TMEM132B: variants seen among roughly 807,000 people sequenced by gnomAD.
TMEM132B encodes the protein transmembrane protein 132B.
In TMEM132B, 18 loss-of-function variants were observed where a neutral mutation model predicts 90.8. That is an observed-to-expected ratio of 0.20 (90% CI 0.14 to 0.29). TMEM132B has a LOEUF of 0.29. Ranked by LOEUF, TMEM132B falls within the 10% of genes least tolerant of loss-of-function variation. The probability of loss-of-function intolerance (pLI) is 1.00; values close to 1 mark genes in which losing one functional copy is unlikely to be tolerated. For missense variants in TMEM132B, 1,096 were observed against 1,326.8 expected, an observed-to-expected ratio of 0.83 and a Z score of 2.70; for synonymous variants, 504 against 523.3, an observed-to-expected ratio of 0.96 and a Z score of 0.50.
intron 4 of TMEM132B, among the ~76,000 whole-genome samples, chr12:125,528,235 GCT>G (rs879590925): frequency 6.6e-6 from 1 of 151,996 alleles, no homozygotes; most frequent in Non-Finnish European, 1.5e-5. Flanking sequence ...TGAGCTTAGA[GCT>G]TTATTTCCGT....
At position 125,404,902 on chromosome 12, in the gene TMEM132B, G is replaced by A. The variant is rs75313037; in HGVS notation, c.960-10629G>A. 8.9e-3 allele frequency among the ~76,000 whole-genome samples: 1,349 copies of A among 152,202 alleles called. 24 individuals are homozygous for A. Among genetic ancestry groups the A allele is most frequent in the African/African-American group, 0.029 (1,221 of 41,520 alleles). On this transcript the variant is annotated intron_variant, in intron 2 of 8. Transcript: ENST00000682704. ...TTTTGTCAGTTTATTTTGTTTATAT[G>A]TAAGCCACTGTTTCCCTAGACAGAC...
At chr12:125,618,996 C>A (rs564291870) in intron 5 of TMEM132B, among the ~76,000 whole-genome samples, 18 of 152,248 alleles carry the variant, frequency 1.2e-4, no homozygotes, top group African/African-American at 4.1e-4. Context: ...CAGTGCTGGG[C>A]AGCAAGCATT....
At chr12:125,420,610 C>T (rs1162538775) in intron 3 of TMEM132B, among the ~76,000 whole-genome samples, 1 of 152,130 alleles carries the variant, frequency 6.6e-6, no homozygotes, top group African/African-American at 2.4e-5. Flanking sequence ...TGTGACATGC[C>T]CTGGAGACAT....
At chr12:125,391,153 T>G (rs1879004013) in intron 2 of TMEM132B, among the ~76,000 whole-genome samples, 1 of 151,864 alleles carries the variant, frequency 6.6e-6, no homozygotes, top group African/African-American at 2.4e-5. Flanking sequence ...AAAATGATCA[T>G]GGAGGAGAAT....
chr12:125,209,975 T>A lies in TMEM132B; in HGVS notation c.67+23109T>A. ...ATTCATTCAACAGGTATTAATGCAATGGAGTCTCCTCTGTGTCAGGCAGCA... is the reference window on the plus strand; with the variant it reads ...ATTCATTCAACAGGTATTAATGCAAAGGAGTCTCCTCTGTGTCAGGCAGCA... On this transcript the variant is annotated intron_variant, in intron 1 of 8. Coordinates refer to ENST00000682704, the MANE Select transcript of TMEM132B (RefSeq NM_001366854.1). This position sits in a 1 kb window ranked among gnomAD's most constrained non-coding sequence, Gnocchi z 4.4. Among the ~76,000 whole-genome samples the A allele has an allele frequency of 6.6e-6, 1 of 152,166 alleles. No homozygotes were observed. The highest frequency in any genetic ancestry group is 1.5e-5 in the Non-Finnish European group (1 of 68,022).
At chr12:125,614,827 T>C (rs951803310) in intron 5 of TMEM132B, among the ~76,000 whole-genome samples, 10 of 152,184 alleles carry the variant, frequency 6.6e-5, no homozygotes, top group Non-Finnish European at 1.2e-4. Context: ...TGCTTTCAGT[T>C]TGAAGAACTT....
At chr12:125,536,389 G>A (rs748454738) in intron 4 of TMEM132B, among the ~76,000 whole-genome samples, 23 of 152,170 alleles carry the variant, frequency 1.5e-4, no homozygotes, top group Non-Finnish European at 2.6e-4. Context: ...TGATCATTCG[G>A]TTTTTTGTAC....
intron 4 of TMEM132B, among the ~76,000 whole-genome samples, chr12:125,562,594 T>C (rs1419040696): frequency 6.6e-6 from 1 of 152,222 alleles, no homozygotes; most frequent in Non-Finnish European, 1.5e-5. Flanking sequence ...GTAGGTGATA[T>C]GGTTTGGCTG....
intron 2 of TMEM132B, among the ~76,000 whole-genome samples, chr12:125,365,133 C>CT (rs1043501882): frequency 6.7e-6 from 1 of 150,228 alleles, no homozygotes; most frequent in African/African-American, 2.4e-5. Context: ...TCTTTTCCTG[C>CT]TTTTTTTTTG....
intron 1 of TMEM132B, among the ~76,000 whole-genome samples, chr12:125,334,777 C>T (rs1876899961): frequency 6.6e-6 from 1 of 152,224 alleles, no homozygotes; most frequent in African/African-American, 2.4e-5. Flanking sequence ...AAGCATATTG[C>T]ACACTTCTCC....
intron 3 of TMEM132B, among the ~76,000 whole-genome samples, chr12:125,511,529 G>A (rs1474117201): frequency 2.0e-5 from 3 of 151,670 alleles, no homozygotes; most frequent in African/African-American, 7.3e-5. Flanking sequence ...TAACTGCACA[G>A]CTGGTTAGAG....
At chr12:125,210,462 A>T (rs2136065188) in intron 1 of TMEM132B, among the ~76,000 whole-genome samples, 1 of 152,040 alleles carries the variant, frequency 6.6e-6, no homozygotes, top group South Asian at 2.1e-4. Flanking sequence ...TAAAATGGGG[A>T]TGCTTTGGAG....
intron 3 of TMEM132B, among the ~76,000 whole-genome samples, chr12:125,517,524 C>G (rs1006471455): frequency 1.3e-5 from 2 of 151,896 alleles, no homozygotes; most frequent in Non-Finnish European, 2.9e-5. Context: ...CAACTTGTAC[C>G]AATGGATATT....
intron 4 of TMEM132B, among the ~76,000 whole-genome samples, chr12:125,533,368 A>G (rs770330284): frequency 6.6e-6 from 1 of 152,232 alleles, no homozygotes; most frequent in Non-Finnish European, 1.5e-5. Flanking sequence ...CCACTGGCCA[A>G]TCGGAATAGA....
intron 4 of TMEM132B, among the ~76,000 whole-genome samples, chr12:125,543,412 A>G (rs553603424): frequency 6.6e-6 from 1 of 152,388 alleles, no homozygotes; most frequent in South Asian, 2.1e-4. Context: ...ACATCGTTTT[A>G]GGTCTTATAA....
At chr12:125,265,301 A>G (rs1337308656) in intron 1 of TMEM132B, among the ~76,000 whole-genome samples, 2 of 151,694 alleles carry the variant, frequency 1.3e-5, no homozygotes, top group Admixed American at 1.3e-4. Context: ...ACTAAATCTT[A>G]TATAGGCTGT....
rs556208738 is a variant in TMEM132B at position 125,653,693 on chromosome 12, C to T, written c.2235C>T (p.Asn745=). 7 of 1,613,984 alleles carry T rather than the reference C, an allele frequency of 4.3e-6. No individual in the cohort carries two copies. The highest frequency in any genetic ancestry group is 5.9e-6 in the Non-Finnish European group (7 of 1,180,030). ...LDEMVVSVQA[N]LESKWPIVVA... ...AAATGGTGGTGTCTGTCCAGGCAAA[C>T]CTTGAGTCCAAATGGCCAATTGTGG... Residue 745 remains asparagine (N), a synonymous_variant, in exon 9 of 9, where the codon AAC becomes AAT. Transcript: ENST00000682704.
chr12:125,493,095 T>C (rs1993799), intron 3 of TMEM132B, among the ~76,000 whole-genome samples: 91,790 of 151,812 alleles, frequency 0.6, 28,375 homozygotes, highest in Middle Eastern at 0.7. Context: ...TGCAGGGCAG[T>C]GGCCTGGCGC....
chr12:125,437,259 C>A (rs992842632), intron 3 of TMEM132B, among the ~76,000 whole-genome samples: 1 of 152,220 alleles, frequency 6.6e-6, no homozygotes, highest in African/African-American at 2.4e-5. Context: ...GATGCGCTGA[C>A]TATGATTCTG....
Sources: gnomAD v4.1 joint callset for allele counts (sites outside exome capture counted in the v4.1 genomes callset) on GRCh38, gnomAD v4.1.1 for gene constraint, Gnocchi (gnomAD v3.1) non-coding constraint, MANE v1.5 for transcripts, NCBI Gene and HGNC (gene_info 2026-07-23, HGNC 2026-07-21) for gene names.